The following ERBB3 variants were observed in gnomAD, a reference collection of about 807,000 sequenced individuals.
ERBB3 encodes the protein erb-b2 receptor tyrosine kinase 3.
A neutral mutation model predicts 156.7 loss-of-function variants in ERBB3; 96 were observed. The observed-to-expected ratio is 0.61, with a 90% CI of 0.52 to 0.73. The LOEUF is 0.73. Among genes scored for constraint, ERBB3 ranks in the 30% least tolerant of loss-of-function variants. The pLI, the probability that ERBB3 is intolerant of heterozygous loss-of-function variation, is 0.00. For missense variants in ERBB3, 1,406 were observed against 1,709.4 expected, an observed-to-expected ratio of 0.82 and a Z score of 3.13; for synonymous variants, 567 against 632.0, an observed-to-expected ratio of 0.90 and a Z score of 1.54.
intron 3 of ERBB3, among the ~76,000 whole-genome samples, chr12:56,086,085 A>C (rs947311431): frequency 5.3e-5 from 7 of 131,476 alleles, no homozygotes; most frequent in South Asian, 5.4e-4. Context: ...AAAAAAAAAA[A>C]ACCAAAGTAC....
chr12:56,102,806 T>TAAAAA lies in ERBB3; in HGVS notation c.*775_*779dup, dbSNP rs4016497. The TAAAAA allele has an allele frequency of 8.3e-3, 462 of 55,738 alleles. 21 individuals are homozygous for TAAAAA. The highest frequency in any genetic ancestry group is 0.042 in the Middle Eastern group (3 of 72). 3.5% of individuals were successfully genotyped at this position (55,738 alleles called of 1,614,324 possible). On this transcript the variant is annotated 3_prime_UTR_variant, in exon 28 of 28. Coordinates refer to ENST00000267101, the MANE Select transcript of ERBB3 (RefSeq NM_001982.4). ...CAACATAGTAAGACCCCCATCTCTT[T>TAAAAA]AAAAAAAAAAAAAAAAAAAAAAAAA...
At chr12:56,091,408 A>ATT (rs1222774964) in intron 9 of ERBB3, among the ~76,000 whole-genome samples, 2 of 63,570 alleles carry the variant, frequency 3.1e-5, no homozygotes, top group African/African-American at 1.4e-4. Context: ...ATATATATAT[A>ATT]TATTTTTTTT....
intron 9 of ERBB3, among the ~76,000 whole-genome samples, chr12:56,091,266 T>TA (rs1868673235): frequency 2.3e-5 from 1 of 43,434 alleles, no homozygotes; most frequent in Non-Finnish European, 3.9e-5. Flanking sequence ...TTGGCTAATT[T>TA]TATATATATA....
In ERBB3 at chr12:56,101,372, C is replaced by T. The variant is rs199590684; in HGVS notation, c.3502+11C>T. The T allele has an allele frequency of 6.2e-7, 1 of 1,613,800 alleles. No homozygotes were observed. Among genetic ancestry groups the T allele is most frequent in the East Asian group, 2.2e-5 (1 of 44,890 alleles). ...ATACACACCTCAAAGGTGCCTGACT[C>T]TTCCTAGGGCTTTCCTCAATTTTTC... On this transcript the variant is annotated intron_variant, in intron 27 of 27. Transcript: ENST00000267101.
Position 56,101,659 on chromosome 12 carries a change from C to T in ERBB3, c.3633C>T (p.Pro1211=), listed in dbSNP as rs1228618083. The part of the protein sequence containing the change: ...NRRRRHSPPH[P]PRPSSLEELG... ...GGAGAAGGCACAGTCCACCTCATCC[C>T]CCTAGGCCAAGTTCCCTTGAGGAGC... Residue 1211 remains proline (P), a synonymous_variant, in exon 28 of 28, where the codon CCC becomes CCT. Transcript: ENST00000267101. 4 of 1,613,904 alleles carry T rather than the reference C, an allele frequency of 2.5e-6. 1 individual carries two copies. The South Asian group carries it at 3.3e-5, about 13-fold the overall frequency.
chr12:56,098,142 C>T (rs1468244308), intron 21 of ERBB3: 18 of 606,488 alleles, frequency 3.0e-5, no homozygotes, highest in East Asian at 5.8e-5. Context: ...CGGTGGCTCA[C>T]GCCTGTAATC....
At chr12:56,085,952 C>T (rs980639067) in intron 3 of ERBB3, among the ~76,000 whole-genome samples, 7 of 150,886 alleles carry the variant, frequency 4.6e-5, no homozygotes, top group African/African-American at 7.3e-5. Flanking sequence ...GCCTGTAGTC[C>T]GAGCTACTCG....
At position 56,103,109 on chromosome 12, in the gene ERBB3, T is replaced by A. The variant is rs1403269559; in HGVS notation, c.*1054T>A. On this transcript the variant is annotated 3_prime_UTR_variant, in exon 28 of 28. Transcript: ENST00000267101. ...ACTGATTTAAGTTACAGCCCTTGTTTAAGGGGCACTGTTTCTTGTTTTTGC... is the reference window on the plus strand; with the variant it reads ...ACTGATTTAAGTTACAGCCCTTGTTAAAGGGGCACTGTTTCTTGTTTTTGC... The A allele has an allele frequency of 4.3e-6, 1 of 230,966 alleles. No individual in the cohort carries two copies. The highest frequency in any genetic ancestry group is 8.6e-6 in the Non-Finnish European group (1 of 116,428). 14.3% of individuals were successfully genotyped at this position (230,966 alleles called of 1,614,324 possible). A position where few individuals can be genotyped will look rare whatever the true frequency, so the allele number is the denominator to read the frequency against.
chr12:56,081,267 C>G (rs766230517), intron 1 of ERBB3, among the ~76,000 whole-genome samples: 1 of 152,210 alleles, frequency 6.6e-6, no homozygotes, highest in Non-Finnish European at 1.5e-5. Context: ...CTCTAGGACC[C>G]TAGACAGAGC....
At chr12:56,084,175 C>T (rs1868400035) in intron 2 of ERBB3, among the ~76,000 whole-genome samples, 1 of 152,092 alleles carries the variant, frequency 6.6e-6, no homozygotes, top group Non-Finnish European at 1.5e-5. Flanking sequence ...AGAGAGAAAC[C>T]TGAGGACCAA....
intron 3 of ERBB3, among the ~76,000 whole-genome samples, chr12:56,086,238 T>A (rs1277422777): frequency 6.6e-6 from 1 of 152,064 alleles, no homozygotes; most frequent in Non-Finnish European, 1.5e-5. Context: ...GGAAAACATA[T>A]GGGCAGGGCT....
At chr12:56,086,791 C>G in intron 4 of ERBB3, 135 bp downstream of exon 4, 4 of 1,054,108 alleles carry the variant, frequency 3.8e-6, no homozygotes, top group Non-Finnish European at 5.9e-6. Flanking sequence ...ACTCAGCAGC[C>G]CACCAGGGCA....
rs761544555 is a variant in ERBB3 at position 56,101,319 on chromosome 12, G to T, written c.3460G>T (p.Glu1154Ter). The change falls in exon 27 of 28, where the codon GAG (glutamate) becomes TAG (stop). Residue 1154 changes from glutamate (E) to a stop codon, truncating the protein, a stop_gained. Transcript: ENST00000267101. LOFTEE classifies it high-confidence loss of function. ...ACTCTCCCCACCCGGGTTAGAGGAA[G>T]AGGATGTCAACGGTTATGTCATGCC... is the stretch of plus-strand genomic sequence containing the variant. ...TPLSPPGLEEEDVNGYVMPDT... is the reference protein window; with the variant it reads ...TPLSPPGLEE 6.2e-7 allele frequency: 1 copy of T among 1,614,224 alleles called. No homozygotes were observed. The highest frequency in any genetic ancestry group is 8.5e-7 in the Non-Finnish European group (1 of 1,180,028).
intron 7 of ERBB3, 53 bp downstream of exon 7, chr12:56,088,215 T>C: frequency 6.3e-7 from 1 of 1,596,242 alleles, no homozygotes; most frequent in Non-Finnish European, 8.6e-7. Flanking sequence ...TCCAAGATTT[T>C]AGACAAAATT....
chr12:56,080,447 C>T, intron 1 of ERBB3, 65 bp downstream of exon 1: 5 of 1,324,436 alleles, frequency 3.8e-6, no homozygotes, highest in Non-Finnish European at 4.2e-6. Context: ...CGCGCAGCCT[C>T]GGAGGGTATG....
chr12:56,102,691 G>C lies in ERBB3; in HGVS notation c.*636G>C, dbSNP rs760370003. On this transcript the variant is annotated 3_prime_UTR_variant, in exon 28 of 28. Coordinates refer to ENST00000267101, the MANE Select transcript of ERBB3 (RefSeq NM_001982.4). ...ATCTCATTTTACACAAAGGGAAGTC[G>C]GGCATGGTGGCTCATGCCTGTAATC... 1.0e-4 allele frequency: 23 copies of C among 227,492 alleles called. No individual in the cohort carries two copies. Among genetic ancestry groups the C allele is most frequent in the Non-Finnish European group, 1.6e-4 (18 of 114,928 alleles). The allele number at this position is 227,492 out of a possible 1,614,324, so 14.1% of individuals were successfully genotyped here. A position where few individuals can be genotyped will look rare whatever the true frequency, so the allele number is the denominator to read the frequency against.
rs775279860 is a variant in ERBB3 at position 56,088,121 on chromosome 12, C to T, written c.833C>T (p.Thr278Ile). 44 of 1,614,074 alleles carry T rather than the reference C, an allele frequency of 2.7e-5. No individual in the cohort carries two copies. The highest frequency in any genetic ancestry group is 3.6e-5 in the Non-Finnish European group (42 of 1,180,032). ...LTFQLEPNPH[T>I]KYQYGGVCVA... is the part of the protein sequence containing the mutation. Reference sequence around the variant, plus strand: ...TTCCAGCTGGAACCCAATCCCCACACCAAGTATCAGTATGGAGGAGTTTGT... The same window carrying T: ...TTCCAGCTGGAACCCAATCCCCACATCAAGTATCAGTATGGAGGAGTTTGT... The change falls in exon 7 of 28, where the codon ACC (threonine) becomes ATC (isoleucine). Residue 278 changes from threonine (T) to isoleucine (I), a missense_variant. Thr to Ile is a moderately conservative substitution (Grantham distance 89, BLOSUM62 -1). Around this residue, in one of 3 missense-constraint regions of ERBB3, gnomAD observed 979 missense variants for 1,219.6 expected, o/e 0.80. Transcript: ENST00000267101.
chr12:56,088,560 C>G lies in ERBB3; in HGVS notation c.892C>G (p.Gln298Glu), dbSNP rs748901952. The G allele has an allele frequency of 6.2e-7, 1 of 1,613,608 alleles. No homozygotes were observed. ...TTCCCTAGATAACTTTGTGGTGGAT[C>G]AAACATCCTGTGTCAGGGCCTGTCC... Reference protein sequence around the residue: ...ASCPHNFVVDQTSCVRACPPD... With the variant: ...ASCPHNFVVDETSCVRACPPD... Residue 298 changes from glutamine (Q) to glutamate (E), a missense_variant, in exon 8 of 28, where the codon CAA becomes GAA. Transcript: ENST00000267101.
chr12:56,097,973 T>G (rs1031283921), intron 21 of ERBB3, 33 bp downstream of exon 21: 18 of 1,608,242 alleles, frequency 1.1e-5, no homozygotes, highest in Middle Eastern at 2.1e-4. Flanking sequence ...GAGGCGGGGG[T>G]GGAGTGAAGC....
Sources: allele counts gnomAD v4.1 joint callset (sites outside exome capture counted in the v4.1 genomes callset), GRCh38; gene constraint gnomAD v4.1.1; regional missense constraint gnomAD v4.1.1; transcripts MANE v1.5; gene names NCBI Gene and HGNC (gene_info 2026-07-23, HGNC 2026-07-21).